The following PIPOX variants were observed in gnomAD, a reference collection of about 807,000 sequenced individuals.
The protein encoded by PIPOX is peroxisomal sarcosine oxidase.
In PIPOX, 45 loss-of-function variants were observed where a neutral mutation model predicts 47.9. That is an observed-to-expected ratio of 0.94 (90% CI 0.74 to 1.20). The LOEUF (loss-of-function observed/expected upper bound fraction) is 1.20. Among genes scored for constraint, PIPOX ranks in the 50% most tolerant of loss-of-function variants. The pLI, the probability that PIPOX is intolerant of heterozygous loss-of-function variation, is 0.00. For synonymous variants in PIPOX, 165 were observed against 191.3 expected (o/e 0.86, Z 1.13); for missense variants, 458 against 498.4 (o/e 0.92, Z 0.77).
In PIPOX at chr17:29,043,347, G is replaced by A. The variant is rs1442081638; in HGVS notation, c.114+8G>A. The A allele has an allele frequency of 1.9e-6, 3 of 1,594,490 alleles. No homozygotes were observed. In the Admixed American group the frequency reaches 5.0e-5, roughly 27 times the overall value. On this transcript the variant is annotated splice_region_variant and intron_variant, in intron 1 of 7. Coordinates refer to ENST00000323372, the MANE Select transcript of PIPOX (RefSeq NM_016518.3). ...ATCCTCCTGCTGGAGCAGGTACTGTGTCCCTTCTGCACCCCCAGCTGTAAG... is the reference window on the plus strand; with the variant it reads ...ATCCTCCTGCTGGAGCAGGTACTGTATCCCTTCTGCACCCCCAGCTGTAAG...
Position 29,053,457 on chromosome 17 carries a change from G to A in PIPOX, c.522G>A (p.Lys174=), listed in dbSNP as rs145616784. ...GAGGCATAGTGCGTGACGGAGAGAA[G>A]GTGGTGGAGATAAACCCAGGGCTAC... ...QLGGIVRDGE[K]VVEINPGLLV... Residue 174 remains lysine, a synonymous_variant, in exon 4 of 8, where the codon AAG becomes AAA. Transcript: ENST00000323372. The A allele has an allele frequency of 9.9e-5, 159 of 1,614,188 alleles. No individual in the cohort carries two copies. The highest frequency in any genetic ancestry group is 1.3e-4 in the Non-Finnish European group (157 of 1,180,014).
At chr17:29,047,103 A>G (rs1568018716) in intron 2 of PIPOX, among the ~76,000 whole-genome samples, 1 of 152,160 alleles carries the variant, frequency 6.6e-6, no homozygotes, top group Non-Finnish European at 1.5e-5. Flanking sequence ...CCTGGCCAAC[A>G]TGGTGAAACC....
At position 29,054,700 on chromosome 17, in the gene PIPOX, A is replaced by G. The variant is rs1215613692; in HGVS notation, c.807+9A>G. On this transcript the variant is annotated intron_variant, in intron 5 of 7. Coordinates refer to ENST00000323372, the MANE Select transcript of PIPOX (RefSeq NM_016518.3). ...ACCCAGGGCTGATGAAGGTGAGCGGAAAGACCGAGATAAGGCAGGTAGATG... is the reference window on the plus strand; with the variant it reads ...ACCCAGGGCTGATGAAGGTGAGCGGGAAGACCGAGATAAGGCAGGTAGATG... 1.2e-6 allele frequency: 2 copies of G among 1,612,622 alleles called. No individual in the cohort carries two copies. The highest frequency in any genetic ancestry group is 8.5e-7 in the Non-Finnish European group (1 of 1,178,828).
chr17:29,047,395 G>C (rs1229241278), intron 2 of PIPOX, among the ~76,000 whole-genome samples: 5 of 152,204 alleles, frequency 3.3e-5, no homozygotes, highest in Non-Finnish European at 5.9e-5. Flanking sequence ...TTATGAGAGG[G>C]TTGCTGCCGG....
At position 29,044,770 on chromosome 17, in the gene PIPOX, G is replaced by C. The variant is rs7211375; in HGVS notation, c.115-89G>C. The C allele has an allele frequency of 1.2e-3, 1,598 of 1,343,040 alleles. 20 individuals carry two copies. The African/African-American group carries it at 0.021, about 18-fold the overall frequency. The allele number at this position is 1,343,040 out of a possible 1,614,324, so 83.2% of individuals were successfully genotyped here. ...ATATTTGAAGGATAAATGGCTCCTGGTTGACAGCACATGCTGATATGGCTC... is the reference window on the plus strand; with the variant it reads ...ATATTTGAAGGATAAATGGCTCCTGCTTGACAGCACATGCTGATATGGCTC... On this transcript the variant is annotated intron_variant, in intron 1 of 7. Coordinates refer to ENST00000323372, the MANE Select transcript of PIPOX (RefSeq NM_016518.3).
intron 4 of PIPOX, 127 bp downstream of exon 4, chr17:29,053,722 G>A (rs896014144): frequency 3.1e-5 from 18 of 584,346 alleles, no homozygotes; most frequent in Non-Finnish European, 4.7e-5. Context: ...TCACCTCACC[G>A]AGCCTCAGTT....
At chr17:29,048,217 C>G (rs1054577124) in intron 2 of PIPOX, among the ~76,000 whole-genome samples, 8 of 152,134 alleles carry the variant, frequency 5.3e-5, no homozygotes, top group Non-Finnish European at 1.5e-5. Flanking sequence ...TTTACTGATT[C>G]TTATTTTCTA....
chr17:29,056,420 A>G lies in PIPOX; in HGVS notation c.*115A>G. 1 of 1,228,238 alleles carries G rather than the reference A, an allele frequency of 8.1e-7. No homozygotes were observed. Among genetic ancestry groups the G allele is most frequent in the South Asian group, 1.4e-5 (1 of 71,472 alleles). The allele number at this position is 1,228,238 out of a possible 1,614,324, so 76.1% of individuals were successfully genotyped here. A position where few individuals can be genotyped will look rare whatever the true frequency, so the allele number is the denominator to read the frequency against. On this transcript the variant is annotated 3_prime_UTR_variant, in exon 8 of 8. Transcript: ENST00000323372. ...CATCCTTTTCTTCTGCCTCGCCTGA[A>G]TCCCCCATAAACACCAGATGATTGA...
intron 6 of PIPOX, 39 bp downstream of exon 6, chr17:29,055,260 C>G: frequency 6.2e-7 from 1 of 1,612,182 alleles, no homozygotes; most frequent in Non-Finnish European, 8.5e-7. Flanking sequence ...CCCCTCACCA[C>G]TCTACAGAAG....
At position 29,055,840 on chromosome 17, in the gene PIPOX, G is replaced by A. The variant is rs546075368; in HGVS notation, c.994G>A (p.Asp332Asn). The A allele has an allele frequency of 1.3e-5, 21 of 1,613,904 alleles. No homozygotes were observed. The East Asian group carries it at 3.3e-4, about 26-fold the overall frequency. Reference protein sequence around the residue: ...TNTPDEQFILDRHPKYDNIVI... With the variant: ...TNTPDEQFILNRHPKYDNIVI... ...TACCCCTGATGAGCAGTTCATTCTC[G>A]ATCGCCACCCAAAGTATGACAACAT... The change falls in exon 7 of 8, where the codon GAT becomes AAT. Residue 332 changes from aspartate (D) to asparagine (N), a missense_variant. Asp to Asn is a conservative substitution (Grantham distance 23). Coordinates refer to ENST00000323372, the MANE Select transcript of PIPOX (RefSeq NM_016518.3).
intron 2 of PIPOX, 57 bp from the exon 3 acceptor site, chr17:29,052,863 A>T: frequency 6.7e-7 from 1 of 1,496,664 alleles, no homozygotes; most frequent in Non-Finnish European, 9.3e-7. Flanking sequence ...GTGAGTCGTC[A>T]CATCAGGCCC....
Position 29,054,551 on chromosome 17 carries a change from C to A in PIPOX, c.667C>A (p.Arg223=), listed in dbSNP as rs756943831. 3.1e-6 allele frequency: 5 copies of A among 1,614,062 alleles called. No individual in the cohort carries two copies. The East Asian group carries it at 8.9e-5, about 29-fold the overall frequency. The change falls in exon 5 of 8, where the codon CGG becomes AGG. Residue 223 remains arginine (R), a synonymous_variant. Coordinates refer to ENST00000323372, the MANE Select transcript of PIPOX (RefSeq NM_016518.3). ...TTCCTCTCCCTGCCTCAAGACCCTGCGGATCAACGTGTGTTACTGGCGAGA... is the reference window on the plus strand; with the variant it reads ...TTCCTCTCCCTGCCTCAAGACCCTGAGGATCAACGTGTGTTACTGGCGAGA... The part of the protein sequence containing the change: ...LGIEMPLQTL[R]INVCYWREMV...
intron 2 of PIPOX, chr17:29,052,004 C>T (rs1208312301): frequency 2.1e-6 from 1 of 470,908 alleles, no homozygotes; most frequent in Non-Finnish European, 4.4e-6. Context: ...GAATCTGGGC[C>T]CAGAGAGGTG....
chr17:29,053,242 G>A, intron 3 of PIPOX, 109 bp downstream of exon 3: 1 of 1,271,954 alleles, frequency 7.9e-7, no homozygotes, highest in South Asian at 1.3e-5. Context: ...TGCCCTGCAG[G>A]CTTTAGTCTT....
intron 2 of PIPOX, among the ~76,000 whole-genome samples, 198 bp downstream of exon 2, chr17:29,045,205 G>A (rs551931697): frequency 7.9e-5 from 12 of 152,294 alleles, no homozygotes; most frequent in East Asian, 3.9e-4. Context: ...CAGGCTCTGC[G>A]TTGCAGGACT....
chr17:29,043,414 C>A, intron 1 of PIPOX, 75 bp downstream of exon 1: 1 of 1,043,548 alleles, frequency 9.6e-7, no homozygotes, highest in Non-Finnish European at 1.5e-6. Context: ...TTTTCAGAGC[C>A]AGCAGGCTAC....
chr17:29,047,903 C>T (rs760765133), intron 2 of PIPOX, among the ~76,000 whole-genome samples: 3 of 152,200 alleles, frequency 2.0e-5, no homozygotes, highest in Non-Finnish European at 4.4e-5. Flanking sequence ...CATTTAAAGA[C>T]AGGGAAATAT....
chr17:29,055,737 C>A, intron 6 of PIPOX, 76 bp from the exon 7 acceptor site: 1 of 1,221,650 alleles, frequency 8.2e-7, no homozygotes, highest in South Asian at 1.2e-5. Context: ...CAGCCCATCC[C>A]CTTCCAGTTA....
chr17:29,044,329 A>AC (rs1476010885), intron 1 of PIPOX: 1 of 152,218 alleles, frequency 6.6e-6, no homozygotes, highest in Non-Finnish European at 1.5e-5. Flanking sequence ...TTGCAGCAGG[A>AC]TGGTTGAAGA....
Sources: gnomAD v4.1 joint callset for allele counts (sites outside exome capture counted in the v4.1 genomes callset) on GRCh38, gnomAD v4.1.1 for gene constraint, MANE v1.5 for transcripts, NCBI Gene and HGNC (gene_info 2026-07-23, HGNC 2026-07-21) for gene names.